Variants in SMARCC1 observed in about 807,000 individuals in gnomAD.
SMARCC1 encodes the protein SWI/SNF complex subunit SMARCC1.
Under a neutral mutation model 147.4 loss-of-function variants are expected in SMARCC1, and 43 were observed. The ratio of observed to expected loss-of-function variants is 0.29; its 90% CI spans 0.23 to 0.38. The LOEUF is 0.38. Ranked by LOEUF, SMARCC1 falls within the 10% of genes least tolerant of loss-of-function variation. SMARCC1 has a pLI of 1.00. For missense variants in SMARCC1, 1,119 were observed against 1,381.1 expected (o/e 0.81, Z 3.01); for synonymous variants, 495 against 484.4 (o/e 1.02, Z -0.29).
Position 47,620,929 on chromosome 3 carries a change from T to C in SMARCC1, c.2781+1278A>G, listed in dbSNP as rs942984797. ...TAGTTCAGCCCCTGTGAAAAGCAGTTTGGAGGTTTCTCAAAGAAACAAAAA... is the reference window on the plus strand; with the variant it reads ...TAGTTCAGCCCCTGTGAAAAGCAGTCTGGAGGTTTCTCAAAGAAACAAAAA... On this transcript the variant is annotated intron_variant, in intron 25 of 27. Transcript: ENST00000254480. Among the ~76,000 whole-genome samples the C allele has an allele frequency of 7.9e-5, 12 of 152,314 alleles. No homozygotes were observed. The East Asian group carries it at 2.3e-3, about 29-fold the overall frequency.
At chr3:47,745,837 T>A (rs1195585372) in intron 3 of SMARCC1, 71 bp downstream of exon 3, 1 of 905,542 alleles carries the variant, frequency 1.1e-6, no homozygotes, top group Non-Finnish European at 1.7e-6. Flanking sequence ...CAGGATTTTC[T>A]AACACAAGGA....
In SMARCC1 at chr3:47,701,572, T is replaced by C. The variant is rs1184334220; in HGVS notation, c.1041-170A>G. 1.1e-5 allele frequency: 7 copies of C among 610,142 alleles called. No homozygotes were observed. In the East Asian group the frequency reaches 2.1e-4, roughly 19 times the overall value. 37.8% of individuals were successfully genotyped at this position (610,142 alleles called of 1,614,324 possible). On this transcript the variant is annotated intron_variant, in intron 10 of 27. Coordinates refer to ENST00000254480, the MANE Select transcript of SMARCC1 (RefSeq NM_003074.4). The stretch of plus-strand genomic sequence containing the variant: ...GTTCATGCCTGTAATCAGAGCACTT[T>C]GGGAGGCCGAGGCAGGTGGATCACT...
chr3:47,781,053 C>A (rs1486915), intron 1 of SMARCC1, among the ~76,000 whole-genome samples: 95,221 of 152,056 alleles, frequency 0.63, 30,612 homozygotes, highest in East Asian at 0.72. Context: ...GTACAAGCGA[C>A]CATCAACTCT....
At chr3:47,678,932 T>C (rs2033605300) in intron 15 of SMARCC1, among the ~76,000 whole-genome samples, 2 of 152,232 alleles carry the variant, frequency 1.3e-5, no homozygotes, top group Non-Finnish European at 2.9e-5. Flanking sequence ...CAAATAGCTA[T>C]GTAATTTCTC....
intron 14 of SMARCC1, among the ~76,000 whole-genome samples, chr3:47,685,059 A>T (rs1030681188): frequency 6.6e-6 from 1 of 152,214 alleles, no homozygotes; most frequent in South Asian, 2.1e-4. Flanking sequence ...CTTTTCACTT[A>T]AAGGAAGCGC....
At chr3:47,707,345 A>G (rs1407757549) in intron 9 of SMARCC1, among the ~76,000 whole-genome samples, 1 of 152,040 alleles carries the variant, frequency 6.6e-6, no homozygotes, top group African/African-American at 2.4e-5. Context: ...CAACCTTTAT[A>G]AGTAAAAACT....
chr3:47,644,749 C>T (rs1437657620), intron 21 of SMARCC1, among the ~76,000 whole-genome samples: 1 of 152,100 alleles, frequency 6.6e-6, no homozygotes, highest in Non-Finnish European at 1.5e-5. Context: ...CTCAAGTGAT[C>T]CGCCCGCCTC....
intron 26 of SMARCC1, among the ~76,000 whole-genome samples, chr3:47,596,288 G>A (rs1440775907): frequency 6.6e-6 from 1 of 152,088 alleles, no homozygotes; most frequent in Non-Finnish European, 1.5e-5. Context: ...ATGGAGTCTT[G>A]GCTGGGCGTG....
chr3:47,775,285 C>T (rs571671132), intron 1 of SMARCC1, among the ~76,000 whole-genome samples: 21 of 151,204 alleles, frequency 1.4e-4, no homozygotes, highest in Non-Finnish European at 2.7e-4. Context: ...CTCAGCCTCC[C>T]GAGTAGCTGG....
At chr3:47,730,747 T>C (rs903870554) in intron 5 of SMARCC1, among the ~76,000 whole-genome samples, 1 of 151,150 alleles carries the variant, frequency 6.6e-6, no homozygotes, top group Non-Finnish European at 1.5e-5. Context: ...ACGCCTATAA[T>C]CCCAGCTACT....
chr3:47,617,352 T>C (rs1322197163), intron 25 of SMARCC1, among the ~76,000 whole-genome samples: 1 of 152,250 alleles, frequency 6.6e-6, no homozygotes, highest in Non-Finnish European at 1.5e-5. Context: ...CTTTCTTGCT[T>C]ATGGCTTCCT....
chr3:47,635,921 C>T (rs1005999935), intron 23 of SMARCC1, 101 bp downstream of exon 23: 3 of 655,824 alleles, frequency 4.6e-6, no homozygotes, highest in Non-Finnish European at 7.9e-6. Context: ...AAGAAACAAA[C>T]CCAAAATAAA....
At chr3:47,714,209 C>T (rs981684634) in intron 8 of SMARCC1, among the ~76,000 whole-genome samples, 1 of 152,146 alleles carries the variant, frequency 6.6e-6, no homozygotes, top group African/African-American at 2.4e-5. Flanking sequence ...ACTAAAAATA[C>T]AAAAATTAGC....
intron 18 of SMARCC1, among the ~76,000 whole-genome samples, chr3:47,674,720 C>T (rs1008752767): frequency 1.3e-5 from 2 of 152,134 alleles, no homozygotes; most frequent in African/African-American, 2.4e-5. Context: ...CTGCCCTGGC[C>T]TCCCAAAGTG....
At chr3:47,601,205 G>A (rs1465380320) in intron 26 of SMARCC1, among the ~76,000 whole-genome samples, 1 of 151,526 alleles carries the variant, frequency 6.6e-6, no homozygotes, top group Admixed American at 6.6e-5. Context: ...TTAACTAGTA[G>A]AAAAATCCCT....
At chr3:47,713,752 T>C (rs1356559968) in intron 8 of SMARCC1, among the ~76,000 whole-genome samples, 2 of 152,192 alleles carry the variant, frequency 1.3e-5, no homozygotes, top group African/African-American at 2.4e-5. Context: ...TATTACATTA[T>C]GGTAGAAATG....
In SMARCC1 at chr3:47,634,414, T is replaced by C. The variant is rs1436811455; in HGVS notation, c.2646+776A>G. On this transcript the variant is annotated intron_variant, in intron 24 of 27. Transcript: ENST00000254480. ...AGAGAAGTAGTTCACAGTAGCTGAATGATCTGGGGAATTAAAGATCATGAA... is the reference window on the plus strand; with the variant it reads ...AGAGAAGTAGTTCACAGTAGCTGAACGATCTGGGGAATTAAAGATCATGAA... 2.0e-5 allele frequency among the ~76,000 whole-genome samples: 3 copies of C among 152,192 alleles called. No homozygotes were observed. The East Asian group carries it at 5.8e-4, about 29-fold the overall frequency.
chr3:47,636,788 A>ATATATG (rs1385700826), intron 22 of SMARCC1, among the ~76,000 whole-genome samples: 2 of 80,670 alleles, frequency 2.5e-5, no homozygotes, highest in African/African-American at 8.5e-5. Context: ...AAATATATAT[A>ATATATG]TGTGTGTGTG....
chr3:47,701,215 T>C lies in SMARCC1; in HGVS notation c.1165+63A>G. 19 of 1,432,730 alleles carry C rather than the reference T, an allele frequency of 1.3e-5. No individual in the cohort carries two copies. The highest frequency in any genetic ancestry group is 1.8e-5 in the Non-Finnish European group (18 of 1,022,846). 88.8% of individuals were successfully genotyped at this position (1,432,730 alleles called of 1,614,324 possible). ...TGGACCCACAGCAAGCAATGAATCA[T>C]CCCATGGTATTGCTGAGAATGACTA... On this transcript the variant is annotated intron_variant, in intron 11 of 27. Transcript: ENST00000254480.
Sources: allele counts gnomAD v4.1 joint callset (sites outside exome capture counted in the v4.1 genomes callset), GRCh38; gene constraint gnomAD v4.1.1; transcripts MANE v1.5; gene names NCBI Gene and HGNC (gene_info 2026-07-23, HGNC 2026-07-21).